The following CA5B variants were observed in gnomAD, a reference collection of about 807,000 sequenced individuals.
CA5B encodes the protein carbonic anhydrase 5B.
In CA5B, 15 loss-of-function variants were observed where a neutral mutation model predicts 23.1. The observed-to-expected ratio is 0.65, with a 90% confidence interval of 0.43 to 1.00. CA5B has a LOEUF of 1.00. CA5B is among the 50% of genes least tolerant of loss of function. The pLI, the probability that CA5B is intolerant of heterozygous loss-of-function variation, is 0.00. For missense variants in CA5B, 236 were observed against 252.2 expected (o/e 0.94, Z 0.43); for synonymous variants, 84 against 98.5 (o/e 0.85, Z 0.87).
chrX:15,738,891 C>G (rs1190016823), intron 1 of CA5B, among the ~76,000 whole-genome samples: 1 of 111,627 alleles, frequency 9.0e-6, no homozygotes, highest in African/African-American at 3.3e-5. Context: ...CCACTCACCC[C>G]CAAGACAGGG....
rs1931717783 is a variant in CA5B at position 15,766,770 on chromosome X, C to T, written c.340+1995C>T. Reference sequence around the variant, plus strand: ...AAAAAGATAAGAAAGAAAAATGATACTGATATATGTTCTTTTAAAATATAT... The same window carrying T: ...AAAAAGATAAGAAAGAAAAATGATATTGATATATGTTCTTTTAAAATATAT... On this transcript the variant is annotated intron_variant, in intron 3 of 7. Coordinates refer to ENST00000318636, the MANE Select transcript of CA5B (RefSeq NM_007220.4). 6 of 196,642 alleles carry T rather than the reference C, an allele frequency of 3.1e-5. No homozygotes were observed. The Admixed American group carries it at 4.3e-4, about 14-fold the overall frequency. The allele number at this position is 196,642 out of a possible 1,213,427, so 16.2% of individuals were successfully genotyped here.
chrX:15,766,887 T>C (rs1931720111), intron 3 of CA5B: 4 of 328,661 alleles, frequency 1.2e-5, no homozygotes, highest in Non-Finnish European at 2.4e-5. Flanking sequence ...ATCATGCATC[T>C]TTCTTAATTT....
intron 1 of CA5B, among the ~76,000 whole-genome samples, chrX:15,749,397 A>G (rs1428972722): frequency 6.2e-5 from 7 of 112,217 alleles, no homozygotes; most frequent in Non-Finnish European, 1.9e-5. Flanking sequence ...ATTGTGTTAC[A>G]CCTAAAATTG....
rs1421238855 is a variant in CA5B at position 15,775,260 on chromosome X, T to C, written c.570T>C (p.His190=). The C allele has an allele frequency of 1.0e-5, 12 of 1,197,848 alleles. No individual in the cohort carries two copies. Among genetic ancestry groups the C allele is most frequent in the Non-Finnish European group, 1.2e-5 (11 of 886,026 alleles). ...IGVFLKLGKH[H]KELQKLVDTL... The stretch of plus-strand genomic sequence containing the variant: ...TTGTTCTTTAGCTAGGCAAACATCA[T>C]AAGGAGCTACAGAAATTAGTGGATA... Residue 190 remains histidine, a synonymous_variant, in exon 6 of 8, where the codon CAT becomes CAC. Coordinates refer to ENST00000318636, the MANE Select transcript of CA5B (RefSeq NM_007220.4).
At chrX:15,770,206 G>A (rs1376618770) in intron 3 of CA5B, among the ~76,000 whole-genome samples, 2 of 110,204 alleles carry the variant, frequency 1.8e-5, no homozygotes, top group Non-Finnish European at 3.8e-5. Flanking sequence ...CCAGCTTCTT[G>A]GGGAGGCTGA....
At chrX:15,765,295 C>T in intron 3 of CA5B, 1 of 404,618 alleles carries the variant, frequency 2.5e-6, no homozygotes, top group Non-Finnish European at 3.1e-6. Context: ...GTTAAATAAA[C>T]AGTGTTACCT....
intron 1 of CA5B, among the ~76,000 whole-genome samples, chrX:15,740,096 T>A (rs1457109337): frequency 2.7e-5 from 3 of 111,853 alleles, no homozygotes; most frequent in African/African-American, 9.8e-5. Flanking sequence ...AAAATCTTTG[T>A]TTCCACGCAT....
intron 2 of CA5B, among the ~76,000 whole-genome samples, chrX:15,756,504 A>G (rs974578508): frequency 1.8e-5 from 2 of 112,793 alleles, no homozygotes; most frequent in Non-Finnish European, 3.7e-5. Flanking sequence ...GTGTGTTCAG[A>G]AAAAGCAAAG....
chrX:15,757,257 T>A (rs1931510229), intron 2 of CA5B, among the ~76,000 whole-genome samples: 1 of 110,578 alleles, frequency 9.0e-6, no homozygotes, highest in Non-Finnish European at 1.9e-5. Context: ...ACGCCTGTAA[T>A]CCCAGCACTT....
At chrX:15,781,331 A>T (rs1601796510) in intron 7 of CA5B, among the ~76,000 whole-genome samples, 1 of 112,095 alleles carries the variant, frequency 8.9e-6, no homozygotes, top group African/African-American at 3.2e-5. Flanking sequence ...CTACTGGTTG[A>T]TACTGCAGCC....
chrX:15,744,966 C>G (rs1298873515), intron 1 of CA5B, among the ~76,000 whole-genome samples: 1 of 109,684 alleles, frequency 9.1e-6, no homozygotes, highest in Non-Finnish European at 1.9e-5. Flanking sequence ...GTCAGGAGTT[C>G]GAGACCAGCC....
At chrX:15,764,384 G>A (rs1931663106) in intron 2 of CA5B, among the ~76,000 whole-genome samples, 194 bp from the exon 3 acceptor site, 1 of 110,454 alleles carries the variant, frequency 9.1e-6, no homozygotes, top group Non-Finnish European at 1.9e-5. Context: ...GACTACAGGT[G>A]TGTACCACCA....
rs1176343976 is a variant in CA5B, at chrX:15,751,632, A to C, written c.142+1467A>C. Among the ~76,000 whole-genome samples, 3 of 110,714 alleles carry C rather than the reference A, an allele frequency of 2.7e-5. No individual in the cohort carries two copies. In the Admixed American group the frequency reaches 2.9e-4, roughly 11 times the overall value. On this transcript the variant is annotated intron_variant, in intron 2 of 7. Coordinates refer to ENST00000318636, the MANE Select transcript of CA5B (RefSeq NM_007220.4). ...GCTGCTTTTAGTGCTGACAAAAAAA[A>C]ACAAACAGTAGTGGCTTCGGGAGGG...
chrX:15,741,488 G>GT (rs1555991847), intron 1 of CA5B, among the ~76,000 whole-genome samples: 11 of 104,252 alleles, frequency 1.1e-4, no homozygotes, highest in Middle Eastern at 5.0e-3. Flanking sequence ...TTGTTTGTTT[G>GT]TTTTTTTTTG....
intron 1 of CA5B, among the ~76,000 whole-genome samples, chrX:15,744,897 C>T (rs960343899): frequency 1.8e-5 from 2 of 111,013 alleles, no homozygotes; most frequent in Non-Finnish European, 3.8e-5. Context: ...TGGCCAGGCA[C>T]GGTGGCTCAT....
intron 2 of CA5B, among the ~76,000 whole-genome samples, chrX:15,760,111 T>C (rs138581101): frequency 0.036 from 4,019 of 110,661 alleles, 185 homozygotes; most frequent in African/African-American, 0.12. Context: ...GATAAAATCA[T>C]TATCTGTTTA....
rs1258469734 is a variant in CA5B at position 15,781,935 on chromosome X, AAAAG to A, written c.775-538_775-535del. Among the ~76,000 whole-genome samples the A allele has an allele frequency of 2.8e-4, 31 of 110,311 alleles. No individual in the cohort carries two copies. The Middle Eastern group carries it at 0.014, about 50-fold the overall frequency. On this transcript the variant is annotated intron_variant, in intron 7 of 7. Transcript: ENST00000318636. ...TTTGTCTTTAAAAAAAACAAAAAAA[AAAAG>A]AAAGAAAGAAAAGGAAAAAAAAAAG...
chrX:15,757,278 A>G (rs1291672361), intron 2 of CA5B, among the ~76,000 whole-genome samples: 32 of 111,415 alleles, frequency 2.9e-4, no homozygotes. Context: ...TGGGAGGCCA[A>G]GGCGGGCAGA....
intron 1 of CA5B, among the ~76,000 whole-genome samples, chrX:15,740,686 C>T (rs1931101035): frequency 8.9e-6 from 1 of 111,985 alleles, no homozygotes; most frequent in Non-Finnish European, 1.9e-5. Flanking sequence ...CCTGACTGCT[C>T]CTGAGCACCA....
Sources: allele counts gnomAD v4.1 joint callset (sites outside exome capture counted in the v4.1 genomes callset), GRCh38; gene constraint gnomAD v4.1.1; transcripts MANE v1.5; gene names NCBI Gene and HGNC (gene_info 2026-07-23, HGNC 2026-07-21).